The following CDH13 variants were observed in gnomAD, a reference collection of about 807,000 sequenced individuals.
CDH13 encodes cadherin-13.
CDH13 carries 24 observed loss-of-function variants against 63.8 expected under a neutral mutation model. That is an observed-to-expected ratio of 0.38 (90% confidence interval 0.27 to 0.53). The LOEUF (loss-of-function observed/expected upper bound fraction) is 0.53, where lower values mean the gene tolerates loss of function less well. Among genes scored for constraint, CDH13 ranks in the 20% least tolerant of loss-of-function variants. The probability of loss-of-function intolerance (pLI) is 0.85; values close to 1 mark genes in which losing one functional copy is unlikely to be tolerated. For synonymous variants in CDH13, 503 were observed against 355.3 expected (o/e 1.42, Z -4.67); for missense variants, 1,049 against 903.1 (o/e 1.16, Z -2.07).
At chr16:82,661,100 T>G (rs1442756561) in intron 1 of CDH13, among the ~76,000 whole-genome samples, 1 of 152,088 alleles carries the variant, frequency 6.6e-6, no homozygotes, top group Admixed American at 6.5e-5. Context: ...GGGGCCGGTG[T>G]GATGTTTCAT....
At chr16:83,160,503 A>G (rs1038896019) in intron 4 of CDH13, among the ~76,000 whole-genome samples, 1 of 152,184 alleles carries the variant, frequency 6.6e-6, no homozygotes, top group Admixed American at 6.5e-5. Flanking sequence ...TGTGAATGTC[A>G]GCAAATGAAT....
chr16:83,712,693 T>A (rs1908251121), intron 10 of CDH13, among the ~76,000 whole-genome samples: 1 of 152,198 alleles, frequency 6.6e-6, no homozygotes, highest in Admixed American at 6.5e-5. Flanking sequence ...TCTATCCTTT[T>A]CTGGAAAAAG....
intron 6 of CDH13, among the ~76,000 whole-genome samples, chr16:83,414,960 G>T (rs1215310741): frequency 1.3e-5 from 2 of 151,960 alleles, no homozygotes; most frequent in Non-Finnish European, 2.9e-5. Flanking sequence ...GTGGGTTGCT[G>T]GGTCATATGG....
At chr16:83,334,488 C>A (rs2090550066) in intron 5 of CDH13, among the ~76,000 whole-genome samples, 3 of 151,818 alleles carry the variant, frequency 2.0e-5, no homozygotes, top group Admixed American at 2.0e-4. Context: ...CCTCCTACCT[C>A]ACCCTCCTGA....
chr16:82,636,663 TGTA>T (rs1908693726), intron 1 of CDH13, among the ~76,000 whole-genome samples: 1 of 152,116 alleles, frequency 6.6e-6, no homozygotes. Context: ...CTGTTTGTGG[TGTA>T]GTAGGAGAAT....
chr16:83,505,543 T>G (rs976454226), intron 7 of CDH13, among the ~76,000 whole-genome samples: 6 of 146,708 alleles, frequency 4.1e-5, no homozygotes, highest in Admixed American at 1.4e-4. Flanking sequence ...TTTTTTTTTT[T>G]TTTTTTTTTT....
At chr16:82,899,577 G>A (rs539989908) in intron 2 of CDH13, among the ~76,000 whole-genome samples, 14 of 152,114 alleles carry the variant, frequency 9.2e-5, no homozygotes, top group Non-Finnish European at 1.6e-4. Flanking sequence ...AATGCCTGCA[G>A]GTGGGTGGCA....
At chr16:83,054,230 G>T (rs566737429) in intron 3 of CDH13, among the ~76,000 whole-genome samples, 1 of 152,116 alleles carries the variant, frequency 6.6e-6, no homozygotes, top group Non-Finnish European at 1.5e-5. Context: ...GTTAAGTAAC[G>T]CATGACTATA....
At chr16:83,511,035 C>T (rs545700553) in intron 7 of CDH13, among the ~76,000 whole-genome samples, 80 of 151,272 alleles carry the variant, frequency 5.3e-4, no homozygotes, top group African/African-American at 1.7e-3. Flanking sequence ...CGGACACGCA[C>T]GCATGCACAC....
chr16:82,635,279 TG>T (rs750878375), intron 1 of CDH13, among the ~76,000 whole-genome samples: 6 of 152,242 alleles, frequency 3.9e-5, no homozygotes, highest in African/African-American at 4.8e-5. Context: ...ATGAAGGATC[TG>T]GGCGGCTTCC....
intron 6 of CDH13, among the ~76,000 whole-genome samples, chr16:83,421,605 C>G (rs1034702509): frequency 5.3e-5 from 8 of 152,124 alleles, no homozygotes; most frequent in African/African-American, 1.7e-4. Flanking sequence ...GAAAGAAAAT[C>G]CTTTCCAGAA....
intron 1 of CDH13, among the ~76,000 whole-genome samples, chr16:82,787,017 A>G (rs1055199095): frequency 6.6e-6 from 1 of 152,188 alleles, no homozygotes; most frequent in Non-Finnish European, 1.5e-5. Context: ...CACAATTTCC[A>G]GTGAGTCTTG....
rs1314492322 is a variant in CDH13, at chr16:83,080,882, T to TG, written c.367-44503_367-44502insG. Among the ~76,000 whole-genome samples the TG allele has an allele frequency of 5.7e-4, 66 of 114,874 alleles. 4 individuals carry two copies. The highest frequency in any genetic ancestry group is 8.3e-3 in the Middle Eastern group (2 of 242). The allele number at this position is 114,874 out of a possible 152,430, so 75.4% of individuals were successfully genotyped here. The stretch of plus-strand genomic sequence containing the variant: ...TGTTTTGTTTTTGTGTTTTTTTTTT[T>TG]TTTTTTTTTTTTTTTTGAGACAGAG... On this transcript the variant is annotated intron_variant, in intron 3 of 13. Coordinates refer to ENST00000567109, the MANE Select transcript of CDH13 (RefSeq NM_001257.5).
Position 83,188,120 on chromosome 16 carries a change from C to T in CDH13, c.484-29225C>T, listed in dbSNP as rs116056401. Among the ~76,000 whole-genome samples the T allele has an allele frequency of 8.0e-3, 1,215 of 152,236 alleles. 22 individuals carry two copies. Among genetic ancestry groups the T allele is most frequent in the African/African-American group, 0.028 (1,170 of 41,548 alleles). ...TTGGAGCCCACCATGAGGACTTTGG[C>T]CTTTATTCTAATTGAGTGGGAAAGC... is the stretch of plus-strand genomic sequence containing the variant. On this transcript the variant is annotated intron_variant, in intron 4 of 13. Transcript: ENST00000567109.
At chr16:82,799,494 A>G (rs999127437) in intron 1 of CDH13, among the ~76,000 whole-genome samples, 3 of 152,220 alleles carry the variant, frequency 2.0e-5, no homozygotes, top group African/African-American at 7.2e-5. Context: ...CGTTAAGGAG[A>G]TACCATCAGG....
intron 2 of CDH13, among the ~76,000 whole-genome samples, chr16:82,885,207 A>G (rs1363086483): frequency 6.6e-6 from 1 of 152,242 alleles, no homozygotes; most frequent in Middle Eastern, 3.2e-3. Flanking sequence ...TTGCATTGTA[A>G]GTAATTTTAA....
chr16:83,675,630 G>A (rs570971873), intron 9 of CDH13, among the ~76,000 whole-genome samples: 4 of 152,222 alleles, frequency 2.6e-5, no homozygotes, highest in Middle Eastern at 3.4e-3. Flanking sequence ...CATCCTGTCC[G>A]CTGATCTTTA....
At position 83,455,732 on chromosome 16, in the gene CDH13, C is replaced by G. The variant is rs1373882203; in HGVS notation, c.782-30745C>G. On this transcript the variant is annotated intron_variant, in intron 6 of 13. Coordinates refer to ENST00000567109, the MANE Select transcript of CDH13 (RefSeq NM_001257.5). Reference sequence around the variant, plus strand: ...GCGGAGTGGGTGGACACCTGGACAACTGTTCCTGCTTTCCATTCGTTTTCC... The same window carrying G: ...GCGGAGTGGGTGGACACCTGGACAAGTGTTCCTGCTTTCCATTCGTTTTCC... Among the ~76,000 whole-genome samples the G allele has an allele frequency of 3.9e-5, 6 of 152,320 alleles. No homozygotes were observed. In the South Asian group the frequency reaches 8.3e-4, roughly 21 times the overall value.
chr16:83,162,042 T>A (rs1185797681), intron 4 of CDH13, among the ~76,000 whole-genome samples: 1 of 152,224 alleles, frequency 6.6e-6, no homozygotes, highest in East Asian at 1.9e-4. Context: ...GTCCCTTTGT[T>A]TGGGGGTTAG....
Sources: allele counts gnomAD v4.1 joint callset (sites outside exome capture counted in the v4.1 genomes callset), GRCh38; gene constraint gnomAD v4.1.1; transcripts MANE v1.5; gene names NCBI Gene and HGNC (gene_info 2026-07-23, HGNC 2026-07-21).